The following RBM19 variants were observed in gnomAD, a reference collection of about 807,000 sequenced individuals.
RBM19 encodes RNA binding motif protein 19.
In RBM19, 94 loss-of-function variants were observed where a neutral mutation model predicts 116.8. That is an observed-to-expected ratio of 0.80 (90% confidence interval 0.68 to 0.95). The LOEUF (loss-of-function observed/expected upper bound fraction) is 0.95, where lower values mean the gene tolerates loss of function less well. RBM19 is among the 40% of genes least tolerant of loss of function. The pLI is 0.00. For missense variants in RBM19, 1,161 were observed against 1,220.7 expected (o/e 0.95, Z 0.73); for synonymous variants, 475 against 494.1 (o/e 0.96, Z 0.51).
intron 13 of RBM19, among the ~76,000 whole-genome samples, chr12:113,944,106 T>TG (rs1250191643): frequency 1.4e-5 from 2 of 138,532 alleles, no homozygotes; most frequent in Non-Finnish European, 3.1e-5. Flanking sequence ...TTTTTTTTTT[T>TG]TTTTTTTTTT....
intron 13 of RBM19, among the ~76,000 whole-genome samples, chr12:113,943,558 G>A (rs1025497528): frequency 3.9e-5 from 6 of 152,050 alleles, no homozygotes; most frequent in Admixed American, 2.0e-4. Context: ...AGTGGCTCAC[G>A]CCCATAATCC....
intron 21 of RBM19, among the ~76,000 whole-genome samples, chr12:113,906,944 A>G (rs1254833219): frequency 6.6e-6 from 1 of 152,022 alleles, no homozygotes; most frequent in Non-Finnish European, 1.5e-5. Context: ...AACGCCAGAG[A>G]CGACAGAGGC....
intron 20 of RBM19, among the ~76,000 whole-genome samples, chr12:113,916,824 G>A (rs968634759): frequency 3.3e-5 from 5 of 152,322 alleles, no homozygotes; most frequent in African/African-American, 9.6e-5. Flanking sequence ...CATCCTGACT[G>A]TAACCTCATG....
At chr12:113,889,890 G>A (rs1288516704) in intron 21 of RBM19, among the ~76,000 whole-genome samples, 4 of 149,466 alleles carry the variant, frequency 2.7e-5, no homozygotes, top group African/African-American at 9.7e-5. Context: ...CAAGCTGAGG[G>A]GGAAAAAAAA....
chr12:113,857,649 CAT>C (rs1230831164), intron 22 of RBM19, among the ~76,000 whole-genome samples: 9 of 152,258 alleles, frequency 5.9e-5, no homozygotes, highest in African/African-American at 1.7e-4. Context: ...CAAATATGGC[CAT>C]GTGTCAACAA....
chr12:113,852,507 G>C (rs973516711), intron 22 of RBM19, among the ~76,000 whole-genome samples: 2 of 152,220 alleles, frequency 1.3e-5, no homozygotes, highest in Admixed American at 1.3e-4. Flanking sequence ...GAACAGAAAA[G>C]TGGGGACAAA....
chr12:113,875,276 G>A (rs1179611893), intron 21 of RBM19, among the ~76,000 whole-genome samples: 2 of 152,222 alleles, frequency 1.3e-5, no homozygotes, highest in South Asian at 2.1e-4. Flanking sequence ...AAAACAAGCC[G>A]AGCTCAGGAT....
At chr12:113,928,625 A>ATGTATGTG (rs71443066) in intron 16 of RBM19, among the ~76,000 whole-genome samples, 3 of 120,334 alleles carry the variant, frequency 2.5e-5, no homozygotes, top group Admixed American at 8.4e-5. Flanking sequence ...TTAGCAAGGG[A>ATGTATGTG]TGTGTGTGTG....
intron 23 of RBM19, among the ~76,000 whole-genome samples, chr12:113,837,657 C>T (rs986050565): frequency 2.6e-5 from 4 of 152,170 alleles, no homozygotes; most frequent in Non-Finnish European, 4.4e-5. Flanking sequence ...AAGGGGCAGC[C>T]GCTCAGATCA....
downstream of RBM19, chr12:113,817,364 G>GATGGATGAATGA (rs1242055661): frequency 6.6e-6 from 1 of 152,216 alleles, no homozygotes; most frequent in Non-Finnish European, 1.5e-5. Flanking sequence ...GCAGGTGTCT[G>GATGGATGAATGA]ATGGATGAAT....
At chr12:113,830,632 G>A (rs957947534) in intron 23 of RBM19, among the ~76,000 whole-genome samples, 4 of 136,554 alleles carry the variant, frequency 2.9e-5, no homozygotes, top group Admixed American at 8.4e-5. Flanking sequence ...CCACATGTTT[G>A]TATTAGTTAC....
At chr12:113,946,011 C>A (rs1241696396) in intron 12 of RBM19, 87 bp from the exon 13 acceptor site, 3 of 1,236,478 alleles carry the variant, frequency 2.4e-6, no homozygotes, top group African/African-American at 3.0e-5. Context: ...AAGAAATGGG[C>A]TCCTAGGCCT....
chr12:113,934,752 T>C (rs1869900936), intron 16 of RBM19, among the ~76,000 whole-genome samples: 1 of 152,222 alleles, frequency 6.6e-6, no homozygotes, highest in South Asian at 2.1e-4. Context: ...TTTTGATTGA[T>C]GGTGTTATTG....
intron 1 of RBM19, among the ~76,000 whole-genome samples, chr12:113,965,927 G>C (rs1286025084): frequency 6.6e-6 from 1 of 152,206 alleles, no homozygotes; most frequent in African/African-American, 2.4e-5. Flanking sequence ...TTCGCCACAA[G>C]GTGGGAGTTG....
intron 21 of RBM19, among the ~76,000 whole-genome samples, chr12:113,914,210 T>C (rs1398434480): frequency 6.6e-6 from 1 of 152,252 alleles, no homozygotes; most frequent in Non-Finnish European, 1.5e-5. Flanking sequence ...ACATGGGAAC[T>C]GGTCTTACGA....
rs1218994423 is a variant in RBM19 at position 113,823,147 on chromosome 12, A to G, written c.*77T>C. The stretch of plus-strand genomic sequence containing the variant: ...CTCCCCGCCCCGCCCCCCAGCCCAC[A>G]TGGTGGTGAGTGCAGAAGCTGGAGC... On this transcript the variant is annotated 3_prime_UTR_variant, in exon 24 of 24. Coordinates refer to ENST00000261741, the MANE Select transcript of RBM19 (RefSeq NM_016196.4). 1 of 1,204,024 alleles carries G rather than the reference A, an allele frequency of 8.3e-7. No individual in the cohort carries two copies. Among genetic ancestry groups the G allele is most frequent in the Non-Finnish European group, 1.2e-6 (1 of 848,428 alleles). 74.6% of individuals were successfully genotyped at this position (1,204,024 alleles called of 1,614,324 possible).
At chr12:113,924,591 G>A (rs1868885520) in intron 18 of RBM19, 106 bp downstream of exon 18, 1 of 988,204 alleles carries the variant, frequency 1.0e-6, no homozygotes, top group Non-Finnish European at 1.6e-6. Context: ...CCTTCAAAAT[G>A]TGCAAGGGAG....
intron 2 of RBM19, among the ~76,000 whole-genome samples, chr12:113,960,670 T>C (rs1872415360): frequency 2.0e-5 from 3 of 152,138 alleles, no homozygotes; most frequent in South Asian, 4.1e-4. Context: ...TGGCATGAGA[T>C]GACCTGGGCC....
At chr12:113,849,956 G>A (rs1877324040) in intron 22 of RBM19, among the ~76,000 whole-genome samples, 1 of 152,184 alleles carries the variant, frequency 6.6e-6, no homozygotes, top group Admixed American at 6.5e-5. Context: ...GGGGAAGAGG[G>A]AGGAGAGAGG....
Sources: allele counts gnomAD v4.1 joint callset (sites outside exome capture counted in the v4.1 genomes callset), GRCh38; gene constraint gnomAD v4.1.1; transcripts MANE v1.5; gene names NCBI Gene and HGNC (gene_info 2026-07-23, HGNC 2026-07-21).